ZNF407: variants seen among roughly 807,000 people sequenced by gnomAD.
ZNF407 encodes zinc finger protein 407.
In ZNF407, 17 loss-of-function variants were observed where a neutral mutation model predicts 131.2. The ratio of observed to expected loss-of-function variants is 0.13; its 90% CI spans 0.09 to 0.19. The LOEUF (loss-of-function observed/expected upper bound fraction) is 0.19, where lower values mean the gene tolerates loss of function less well. Ranked by LOEUF, ZNF407 falls within the 10% of genes least tolerant of loss-of-function variation. ZNF407 has a pLI of 1.00. For missense variants in ZNF407, 2,681 were observed against 2,830.6 expected, an observed-to-expected ratio of 0.95 and a Z score of 1.20; for synonymous variants, 1,156 against 1,062.0, an observed-to-expected ratio of 1.09 and a Z score of -1.72.
intron 8 of ZNF407, chr18:75,061,844 C>A (rs1973638206): frequency 6.6e-6 from 1 of 152,458 alleles, no homozygotes; most frequent in African/African-American, 2.4e-5. Context: ...CCCCTTATTG[C>A]CTCTGCCCGG....
chr18:74,680,064 A>T (rs755631753), intron 3 of ZNF407, among the ~76,000 whole-genome samples: 5 of 152,154 alleles, frequency 3.3e-5, no homozygotes, highest in Non-Finnish European at 5.9e-5. Context: ...TTCAGCATAC[A>T]TGTTTTTCTC....
intron 1 of ZNF407, among the ~76,000 whole-genome samples, chr18:74,603,353 C>T (rs7238002): frequency 0.98 from 149,549 of 152,344 alleles, 73,465 homozygotes; most frequent in Middle Eastern, 1. Flanking sequence ...ATGCACACAA[C>T]GAAAAATTGC....
intron 1 of ZNF407, among the ~76,000 whole-genome samples, chr18:74,623,084 C>CAGTGTGTGAGTGCG (rs555429205): frequency 1.1e-3 from 170 of 149,796 alleles, no homozygotes; most frequent in African/African-American, 3.9e-3. Context: ...GTATCTGTAT[C>CAGTGTGTGAGTGCG]AGTGTGTGAG....
chr18:74,946,205 A>G (rs1460968308), intron 8 of ZNF407, among the ~76,000 whole-genome samples: 3 of 152,268 alleles, frequency 2.0e-5, no homozygotes, highest in Non-Finnish European at 4.4e-5. Context: ...GAACCATTTT[A>G]AACCATTTAC....
intron 8 of ZNF407, among the ~76,000 whole-genome samples, chr18:74,968,239 G>T (rs185770346): frequency 2.6e-5 from 4 of 152,270 alleles, no homozygotes; most frequent in Non-Finnish European, 5.9e-5. Flanking sequence ...TCACCACTTT[G>T]AGTGAGGTAT....
chr18:74,602,567 A>T (rs1982628124), intron 1 of ZNF407, among the ~76,000 whole-genome samples: 1 of 152,180 alleles, frequency 6.6e-6, no homozygotes, highest in South Asian at 2.1e-4. Flanking sequence ...GTGCCTCTGT[A>T]CATAATCTCA....
intron 8 of ZNF407, among the ~76,000 whole-genome samples, chr18:75,055,714 A>G (rs2122276723): frequency 6.6e-6 from 1 of 152,234 alleles, no homozygotes; most frequent in East Asian, 1.9e-4. Context: ...TTTAGTCTTC[A>G]TTTTTTGTGA....
chr18:74,793,521 A>AG (rs1257455319), intron 4 of ZNF407, among the ~76,000 whole-genome samples: 4 of 152,228 alleles, frequency 2.6e-5, no homozygotes, highest in Non-Finnish European at 5.9e-5. Flanking sequence ...CATTCAGTAA[A>AG]GGAGAAAAGT....
intron 3 of ZNF407, among the ~76,000 whole-genome samples, chr18:74,729,568 T>C (rs756175005): frequency 3.3e-5 from 5 of 152,098 alleles, no homozygotes; most frequent in Non-Finnish European, 5.9e-5. Flanking sequence ...TGTTAAGTAT[T>C]TGTGAGGAGC....
At chr18:74,806,682 C>G (rs963780822) in intron 4 of ZNF407, among the ~76,000 whole-genome samples, 5 of 152,212 alleles carry the variant, frequency 3.3e-5, no homozygotes, top group Non-Finnish European at 5.9e-5. Context: ...TAAATCCTGT[C>G]ACCTCCATTT....
rs1173301969 is a variant in ZNF407, at chr18:74,742,289, TTAAATGTA to T, written c.4803-39134_4803-39127del. On this transcript the variant is annotated intron_variant, in intron 3 of 8. Transcript: ENST00000299687. ...GTAACATTTAAGAGGACATACTTTC[TTAAATGTA>T]TAAAGAGAATACCGCTTAGAAATTA... Among the ~76,000 whole-genome samples the T allele has an allele frequency of 2.6e-5, 4 of 152,184 alleles. No individual in the cohort carries two copies. The East Asian group carries it at 7.7e-4, about 29-fold the overall frequency.
chr18:74,622,726 TG>T (rs1983569712), intron 1 of ZNF407, among the ~76,000 whole-genome samples: 1 of 44,834 alleles, frequency 2.2e-5, no homozygotes, highest in African/African-American at 5.6e-5. Context: ...ATCACCATAG[TG>T]GTGTGTGTCT....
chr18:75,014,479 T>A (rs1474961674), intron 8 of ZNF407, among the ~76,000 whole-genome samples: 1 of 152,104 alleles, frequency 6.6e-6, no homozygotes, highest in African/African-American at 2.4e-5. Flanking sequence ...TTCCTTCAAG[T>A]AACTCTGAGT....
chr18:74,789,910 TA>T (rs1969794576), intron 4 of ZNF407, among the ~76,000 whole-genome samples: 1 of 150,996 alleles, frequency 6.6e-6, no homozygotes. Flanking sequence ...AATACACTCA[TA>T]TAATGTCCCA....
At chr18:74,741,153 A>C (rs1421870300) in intron 3 of ZNF407, among the ~76,000 whole-genome samples, 2 of 152,198 alleles carry the variant, frequency 1.3e-5, no homozygotes, top group Non-Finnish European at 2.9e-5. Context: ...CCAAGGCAGT[A>C]AACCAGTTGA....
intron 1 of ZNF407, among the ~76,000 whole-genome samples, chr18:74,617,123 C>T (rs1983344113): frequency 9.8e-5 from 15 of 152,338 alleles, no homozygotes; most frequent in Admixed American, 1.3e-4. Flanking sequence ...ACACCACACA[C>T]ATCCATATCC....
intron 6 of ZNF407, among the ~76,000 whole-genome samples, chr18:74,883,977 T>C (rs1166201889): frequency 6.6e-6 from 1 of 152,214 alleles, no homozygotes; most frequent in Non-Finnish European, 1.5e-5. Flanking sequence ...CCCTGTTGAC[T>C]TACAGATAAC....
intron 4 of ZNF407, among the ~76,000 whole-genome samples, chr18:74,793,671 A>G (rs1416648498): frequency 6.6e-6 from 1 of 152,226 alleles, no homozygotes; most frequent in African/African-American, 2.4e-5. Context: ...AAATAACTTG[A>G]GCAGCTATTC....
intron 3 of ZNF407, among the ~76,000 whole-genome samples, chr18:74,734,669 A>ATT (rs1482003400): frequency 9.4e-5 from 12 of 127,374 alleles, no homozygotes; most frequent in Middle Eastern, 4.0e-3. Flanking sequence ...TTGAGTTTCA[A>ATT]TTTGTGTGTG....
Sources: allele counts gnomAD v4.1 joint callset (sites outside exome capture counted in the v4.1 genomes callset), GRCh38; gene constraint gnomAD v4.1.1; transcripts MANE v1.5; gene names NCBI Gene and HGNC (gene_info 2026-07-23, HGNC 2026-07-21).